Variants in THSD7B observed in about 807,000 individuals in gnomAD.
THSD7B encodes the protein thrombospondin type-1 domain-containing protein 7B.
Under a neutral mutation model 213.6 loss-of-function variants are expected in THSD7B, and 138 were observed. The ratio of observed to expected loss-of-function variants is 0.65; its 90% CI spans 0.56 to 0.74. The LOEUF (loss-of-function observed/expected upper bound fraction) is 0.74, where lower values mean the gene tolerates loss of function less well. THSD7B is among the 30% of genes least tolerant of loss of function. The pLI, the probability that THSD7B is intolerant of heterozygous loss-of-function variation, is 0.00. For synonymous variants in THSD7B, 742 were observed against 687.0 expected, an observed-to-expected ratio of 1.08 and a Z score of -1.25; for missense variants, 1,931 against 1,991.5, an observed-to-expected ratio of 0.97 and a Z score of 0.58.
intron 14 of THSD7B, among the ~76,000 whole-genome samples, chr2:137,423,445 C>T (rs1686971599): frequency 6.6e-6 from 1 of 151,954 alleles, no homozygotes; most frequent in Non-Finnish European, 1.5e-5. Context: ...AGCAGGTTTG[C>T]AGAGTATAAG....
At position 137,461,263 on chromosome 2, in the gene THSD7B, T is replaced by C. The variant is rs886266542; in HGVS notation, c.3138+10240T>C. Among the ~76,000 whole-genome samples the C allele has an allele frequency of 4.6e-5, 7 of 152,254 alleles. No homozygotes were observed. The South Asian group carries it at 8.3e-4, about 18-fold the overall frequency. On this transcript the variant is annotated intron_variant, in intron 15 of 27. Transcript: ENST00000409968. ...TAGAATTGCTAGATCATAGGATATG[T>C]AGATATTCAATTTCAGTAAGCAATT...
At chr2:137,201,236 CTTCTT>C (rs761559707) in intron 7 of THSD7B, among the ~76,000 whole-genome samples, 3 of 152,080 alleles carry the variant, frequency 2.0e-5, no homozygotes, top group East Asian at 1.9e-4. Context: ...ACAGAATTTT[CTTCTT>C]TTCAAGAGCT....
At chr2:137,665,193 A>T (rs1025312678) in intron 26 of THSD7B, among the ~76,000 whole-genome samples, 2 of 152,228 alleles carry the variant, frequency 1.3e-5, no homozygotes, top group Non-Finnish European at 2.9e-5. Flanking sequence ...GCATGATATT[A>T]AATATAGCCA....
At chr2:136,887,919 T>C (rs954357677) in intron 2 of THSD7B, among the ~76,000 whole-genome samples, 13 of 152,160 alleles carry the variant, frequency 8.5e-5, no homozygotes, top group African/African-American at 2.9e-4. Flanking sequence ...ATATTGATAA[T>C]AAACACTTTA....
intron 15 of THSD7B, among the ~76,000 whole-genome samples, chr2:137,558,929 C>A (rs1387097473): frequency 6.6e-6 from 1 of 152,058 alleles, no homozygotes; most frequent in Non-Finnish European, 1.5e-5. Flanking sequence ...AACAGACAAA[C>A]AGAGAGCCAA....
chr2:137,177,764 T>C (rs1680385299), intron 7 of THSD7B, among the ~76,000 whole-genome samples: 1 of 152,074 alleles, frequency 6.6e-6, no homozygotes. Context: ...TGTCTTACAC[T>C]TAGTTAGAAT....
At chr2:137,187,421 T>C (rs763286085) in intron 7 of THSD7B, among the ~76,000 whole-genome samples, 10 of 152,218 alleles carry the variant, frequency 6.6e-5, no homozygotes, top group South Asian at 2.1e-4. Flanking sequence ...CACTTCCTTT[T>C]AAGGGATTAG....
At chr2:137,605,814 G>A (rs529643174) in intron 17 of THSD7B, among the ~76,000 whole-genome samples, 3 of 151,676 alleles carry the variant, frequency 2.0e-5, no homozygotes, top group East Asian at 1.9e-4. Flanking sequence ...GGTTACAGGC[G>A]CTTGCCACCA....
chr2:137,611,233 ATCATTGTTTACC>A (rs1445024113), intron 17 of THSD7B, among the ~76,000 whole-genome samples: 1 of 151,812 alleles, frequency 6.6e-6, no homozygotes, highest in Non-Finnish European at 1.5e-5. Context: ...AAACACACAA[ATCATTGTTTACC>A]TATTGATGTT....
Position 137,550,749 on chromosome 2 carries a change from T to C in THSD7B, c.3139-12472T>C, listed in dbSNP as rs866696979. On this transcript the variant is annotated intron_variant, in intron 15 of 27. Coordinates refer to ENST00000409968, the MANE Select transcript of THSD7B (RefSeq NM_001316349.2). ...AATAAGACTATGTGGATGACATGGA[T>C]GGTTTAGCTTGGAGTAGGGGTTGGC... is the stretch of plus-strand genomic sequence containing the variant. Among the ~76,000 whole-genome samples the C allele has an allele frequency of 1.2e-4, 18 of 152,178 alleles. 1 individual carries two copies. The Middle Eastern group carries it at 0.044, about 374-fold the overall frequency.
In THSD7B at chr2:137,232,957, T is replaced by C. The variant is rs1681675186; in HGVS notation, c.1974T>C (p.His658=). The C allele has an allele frequency of 6.2e-7, 1 of 1,613,852 alleles. No individual in the cohort carries two copies. Among genetic ancestry groups the C allele is most frequent in the Admixed American group, 1.7e-5 (1 of 60,000 alleles). ...ALQEHRLCND[H]SCMQLHWETS... The stretch of plus-strand genomic sequence containing the variant: ...AAGAGCATCGTTTGTGTAATGACCA[T>C]TCCTGTATGCAGCTTCACTGGGAGA... Residue 658 remains histidine (H), a synonymous_variant, in exon 9 of 28, where the codon CAT becomes CAC. Transcript: ENST00000409968.
At chr2:137,652,798 T>A (rs1389506513) in intron 21 of THSD7B, among the ~76,000 whole-genome samples, 1 of 152,182 alleles carries the variant, frequency 6.6e-6, no homozygotes, top group African/African-American at 2.4e-5. Flanking sequence ...ACAAGTTCAC[T>A]TAGATTGCAA....
intron 12 of THSD7B, among the ~76,000 whole-genome samples, chr2:137,319,808 G>A (rs570003958): frequency 4.6e-5 from 7 of 152,218 alleles, no homozygotes; most frequent in Non-Finnish European, 7.4e-5. Context: ...ATTTTCTTAA[G>A]GCTTGGCGGT....
intron 12 of THSD7B, among the ~76,000 whole-genome samples, chr2:137,355,739 T>G (rs550905834): frequency 6.6e-6 from 1 of 152,320 alleles, no homozygotes; most frequent in South Asian, 2.1e-4. Context: ...CTAGCTCAGC[T>G]GTGTAACAGC....
intron 10 of THSD7B, among the ~76,000 whole-genome samples, chr2:137,249,442 C>G (rs1195013740): frequency 1.3e-5 from 2 of 152,068 alleles, no homozygotes; most frequent in African/African-American, 2.4e-5. Context: ...GGTCTAAACT[C>G]CTTCAAAGAA....
At chr2:137,057,686 C>G (rs1204226278) in intron 3 of THSD7B, among the ~76,000 whole-genome samples, 3 of 152,108 alleles carry the variant, frequency 2.0e-5, no homozygotes, top group African/African-American at 7.2e-5. Context: ...TTTGTTTCCA[C>G]TGTTATCAAC....
chr2:137,473,948 A>G (rs1026670011), intron 15 of THSD7B, among the ~76,000 whole-genome samples: 2 of 152,214 alleles, frequency 1.3e-5, no homozygotes, highest in Admixed American at 1.3e-4. Flanking sequence ...AAAGGAAATG[A>G]AACTGCATTT....
intron 5 of THSD7B, among the ~76,000 whole-genome samples, chr2:137,146,294 G>A (rs1679701735): frequency 6.6e-6 from 1 of 152,170 alleles, no homozygotes; most frequent in South Asian, 2.1e-4. Flanking sequence ...GAGATGCACT[G>A]TAGTCAAATT....
intron 20 of THSD7B, among the ~76,000 whole-genome samples, chr2:137,634,475 A>T (rs897362566): frequency 6.6e-6 from 1 of 152,186 alleles, no homozygotes; most frequent in African/African-American, 2.4e-5. Context: ...TTTCCAGTCA[A>T]TAGGAACCTT....
Sources: gnomAD v4.1 joint callset for allele counts (sites outside exome capture counted in the v4.1 genomes callset) on GRCh38, gnomAD v4.1.1 for gene constraint, MANE v1.5 for transcripts, NCBI Gene and HGNC (gene_info 2026-07-23, HGNC 2026-07-21) for gene names.